Variants in ZFYVE9 observed in about 807,000 individuals in gnomAD.
ZFYVE9 encodes zinc finger FYVE domain-containing protein 9.
A neutral mutation model predicts 126.7 loss-of-function variants in ZFYVE9; 43 were observed. The observed-to-expected ratio is 0.34, with a 90% CI of 0.27 to 0.44. The LOEUF is 0.44. ZFYVE9 is among the 20% of genes least tolerant of loss of function. ZFYVE9 has a pLI of 1.00. For missense variants in ZFYVE9, 1,476 were observed against 1,697.0 expected (o/e 0.87, Z 2.29); for synonymous variants, 521 against 597.4 (o/e 0.87, Z 1.87).
intron 13 of ZFYVE9, among the ~76,000 whole-genome samples, chr1:52,324,267 ACAC>A (rs1182443955): frequency 1.3e-5 from 2 of 151,786 alleles, no homozygotes; most frequent in African/African-American, 2.4e-5. Flanking sequence ...ACACACACAC[ACAC>A]ACAAAAACAA....
intron 17 of ZFYVE9, among the ~76,000 whole-genome samples, chr1:52,343,074 T>G (rs568031270): frequency 4.0e-5 from 6 of 151,604 alleles, no homozygotes; most frequent in Admixed American, 2.0e-4. Flanking sequence ...GCCCGGCTAA[T>G]TTTTTTTGTT....
chr1:52,251,293 G>T lies in ZFYVE9; in HGVS notation c.2178+11698G>T, dbSNP rs557912596. Among the ~76,000 whole-genome samples, 8 of 151,892 alleles carry T rather than the reference G, an allele frequency of 5.3e-5. No homozygotes were observed. The East Asian group carries it at 1.4e-3, about 26-fold the overall frequency. On this transcript the variant is annotated intron_variant, in intron 4 of 18. Transcript: ENST00000287727. ...CACCATGTTGGCCAGGCTAGCTTTC[G>T]GTCTTTTACCAGTGCATATGATGTT...
At chr1:52,171,732 G>A (rs1644572047) in intron 1 of ZFYVE9, among the ~76,000 whole-genome samples, 1 of 152,044 alleles carries the variant, frequency 6.6e-6, no homozygotes, top group Admixed American at 6.5e-5. Context: ...GTTTTGATTT[G>A]CATTTCTCTG....
In ZFYVE9 at chr1:52,237,711, A is replaced by G. The variant is rs1645286625; in HGVS notation, c.294A>G (p.Pro98=). Residue 98 remains proline (P), a synonymous_variant, in exon 4 of 19, where the codon CCA becomes CCG. Coordinates refer to ENST00000287727, the MANE Select transcript of ZFYVE9 (RefSeq NM_004799.4). ...ATGGACAGGACTGTAATCTAAATCC[A>G]GAGATTGCCACAATGTGGATTGATG... ...CANGQDCNLN[P]EIATMWIDEN... 1 of 1,614,008 alleles carries G rather than the reference A, an allele frequency of 6.2e-7. No homozygotes were observed. The highest frequency in any genetic ancestry group is 8.5e-7 in the Non-Finnish European group (1 of 1,179,998).
At chr1:52,169,377 G>A (rs1451864700) in intron 1 of ZFYVE9, among the ~76,000 whole-genome samples, 1 of 152,148 alleles carries the variant, frequency 6.6e-6, no homozygotes, top group Non-Finnish European at 1.5e-5. Flanking sequence ...TCCAGCTTGG[G>A]TGACAGAGTG....
intron 1 of ZFYVE9, among the ~76,000 whole-genome samples, chr1:52,152,631 C>T (rs1336495304): frequency 6.6e-6 from 1 of 152,092 alleles, no homozygotes; most frequent in African/African-American, 2.4e-5. Context: ...CCTGTCTCTC[C>T]CAGCATAGTG....
chr1:52,333,747 G>A (rs745387967), intron 14 of ZFYVE9, among the ~76,000 whole-genome samples: 1 of 150,844 alleles, frequency 6.6e-6, no homozygotes, highest in Non-Finnish European at 1.5e-5. Flanking sequence ...TTTGAGCTAA[G>A]GCGTTCAAGA....
At chr1:52,334,916 A>G (rs545533450) in intron 15 of ZFYVE9, 148 bp downstream of exon 15, 1 of 666,624 alleles carries the variant, frequency 1.5e-6, no homozygotes, top group East Asian at 3.0e-5. Context: ...GAGAGTGCTT[A>G]GTTCTCTGAA....
At chr1:52,242,496 G>C (rs1056429508) in intron 4 of ZFYVE9, among the ~76,000 whole-genome samples, 10 of 151,944 alleles carry the variant, frequency 6.6e-5, no homozygotes, top group Admixed American at 2.0e-4. Flanking sequence ...ATATTTGTTA[G>C]ATGAATTAAA....
At chr1:52,321,763 A>G (rs1646241875) in intron 13 of ZFYVE9, among the ~76,000 whole-genome samples, 1 of 152,186 alleles carries the variant, frequency 6.6e-6, no homozygotes, top group Non-Finnish European at 1.5e-5. Context: ...AAGCACCACA[A>G]GAAGTTCTGG....
At chr1:52,254,269 A>C (rs1645481087) in intron 4 of ZFYVE9, 1 of 212,636 alleles carries the variant, frequency 4.7e-6, no homozygotes, top group South Asian at 1.4e-4. Context: ...TGAAAAAAAC[A>C]TCAGTTATTT....
chr1:52,242,716 A>G lies in ZFYVE9; in HGVS notation c.2178+3121A>G, dbSNP rs541041315. Among the ~76,000 whole-genome samples the G allele has an allele frequency of 3.3e-5, 5 of 152,350 alleles. No individual in the cohort carries two copies. The East Asian group carries it at 9.6e-4, about 29-fold the overall frequency. The stretch of plus-strand genomic sequence containing the variant: ...CCTAGTTTCTTATGTACTGATGGGA[A>G]TGAATAGATATGAGAGTAGTAAGTA... On this transcript the variant is annotated intron_variant, in intron 4 of 18. Coordinates refer to ENST00000287727, the MANE Select transcript of ZFYVE9 (RefSeq NM_004799.4).
chr1:52,324,516 GT>G (rs1431567157), intron 13 of ZFYVE9, among the ~76,000 whole-genome samples: 1 of 152,134 alleles, frequency 6.6e-6, no homozygotes, highest in Non-Finnish European at 1.5e-5. Context: ...CACTTATGCT[GT>G]TTCCTCTGTC....
chr1:52,331,450 TAAAA>T (rs527807876), intron 13 of ZFYVE9, among the ~76,000 whole-genome samples: 5 of 136,318 alleles, frequency 3.7e-5, no homozygotes, highest in Admixed American at 7.6e-5. Flanking sequence ...CCCTGTCTCT[TAAAA>T]AAAAAAAAAA....
chr1:52,274,554 C>G lies in ZFYVE9; in HGVS notation c.2716C>G (p.Pro906Ala). The part of the protein sequence containing the change: ...MNLIPEDGLP[P>A]ILISTGVKGD... Reference sequence around the variant, plus strand: ...TCTTATTCCTGAAGATGGCCTTCCTCCCATTCTCATCTCCACTGGTGTAAA... The same window carrying G: ...TCTTATTCCTGAAGATGGCCTTCCTGCCATTCTCATCTCCACTGGTGTAAA... The change falls in exon 8 of 19, where the codon CCC becomes GCC. Residue 906 changes from proline (P) to alanine (A), a missense_variant. By Grantham distance (27) the Pro-to-Ala change is conservative (BLOSUM62 -1). Around this residue, in one of 2 missense-constraint regions of ZFYVE9, gnomAD observed 669 missense variants for 902.4 expected, o/e 0.74. Transcript: ENST00000287727. The G allele has an allele frequency of 6.2e-7, 1 of 1,612,378 alleles. No individual in the cohort carries two copies. The highest frequency in any genetic ancestry group is 8.5e-7 in the Non-Finnish European group (1 of 1,178,938).
At chr1:52,147,116 A>C (rs988510209) in intron 1 of ZFYVE9, among the ~76,000 whole-genome samples, 1 of 152,206 alleles carries the variant, frequency 6.6e-6, no homozygotes, top group African/African-American at 2.4e-5. Flanking sequence ...GAAACAAATG[A>C]ATTTTGTGTT....
chr1:52,262,900 C>T lies in ZFYVE9; in HGVS notation c.2179-873C>T, dbSNP rs192861714. 3.3e-3 allele frequency among the ~76,000 whole-genome samples: 497 copies of T among 151,682 alleles called. 7 individuals are homozygous for T. Among genetic ancestry groups the T allele is most frequent in the Non-Finnish European group, 6.3e-4 (43 of 67,900 alleles). On this transcript the variant is annotated intron_variant, in intron 4 of 18. Transcript: ENST00000287727. ...TAGCCTGGCCAACATGGTGAAACCC[C>T]GTCTCTTCTAATAATACAAAAAAAA...
At chr1:52,250,372 A>T (rs1433289327) in intron 4 of ZFYVE9, among the ~76,000 whole-genome samples, 1 of 151,954 alleles carries the variant, frequency 6.6e-6, no homozygotes, top group Non-Finnish European at 1.5e-5. Context: ...ATTCTTTTTG[A>T]TGCTATTGTA....
At chr1:52,307,771 A>G (rs989488673) in intron 13 of ZFYVE9, among the ~76,000 whole-genome samples, 2 of 137,892 alleles carry the variant, frequency 1.5e-5, no homozygotes, top group Admixed American at 7.4e-5. Context: ...TTTTTTTCTG[A>G]TACGGAGTCT....
Sources: gnomAD v4.1 joint callset for allele counts (sites outside exome capture counted in the v4.1 genomes callset) on GRCh38, gnomAD v4.1.1 for gene constraint, gnomAD v4.1.1 regional missense constraint, MANE v1.5 for transcripts, NCBI Gene and HGNC (gene_info 2026-07-23, HGNC 2026-07-21) for gene names.